The following EPSTI1 variants were observed in gnomAD, a reference collection of about 807,000 sequenced individuals.
EPSTI1 encodes epithelial-stromal interaction protein 1.
Under a neutral mutation model 49.9 loss-of-function variants are expected in EPSTI1, and 66 were observed. The observed-to-expected ratio is 1.32, with a 90% CI of 1.08 to 1.62. The LOEUF (loss-of-function observed/expected upper bound fraction) is 1.62. EPSTI1 is among the 40% of genes most tolerant of loss of function. The probability of loss-of-function intolerance (pLI) is 0.00; values close to 1 mark genes in which losing one functional copy is unlikely to be tolerated. For missense variants in EPSTI1, 394 were observed against 365.5 expected (o/e 1.08, Z -0.64); for synonymous variants, 137 against 130.7 (o/e 1.05, Z -0.33).
At chr13:42,981,302 C>T (rs2039982745) in intron 1 of EPSTI1, among the ~76,000 whole-genome samples, 1 of 152,134 alleles carries the variant, frequency 6.6e-6, no homozygotes, top group South Asian at 2.1e-4. Flanking sequence ...TATGTATAAC[C>T]TTACAGCACT....
intron 8 of EPSTI1, among the ~76,000 whole-genome samples, chr13:42,903,884 G>C (rs1164530678): frequency 1.3e-5 from 2 of 152,140 alleles, no homozygotes; most frequent in African/African-American, 4.8e-5. Flanking sequence ...AAATTTAGCT[G>C]CATGAAAATT....
chr13:42,911,264 T>TGTGTGTGTGTGTGCGC (rs549150890), intron 8 of EPSTI1, among the ~76,000 whole-genome samples: 35 of 148,550 alleles, frequency 2.4e-4, no homozygotes, highest in South Asian at 4.2e-4. Flanking sequence ...TGTGTGTGTG[T>TGTGTGTGTGTGTGCGC]GCGCGCGCAC....
At chr13:42,889,253 A>T in intron 10 of EPSTI1, 2 of 1,500,384 alleles carry the variant, frequency 1.3e-6, no homozygotes, top group East Asian at 2.4e-5. Flanking sequence ...CTAGAAAAAT[A>T]AAAAAATATA....
intron 6 of EPSTI1, among the ~76,000 whole-genome samples, chr13:42,930,035 G>A (rs555879482): frequency 8.5e-5 from 13 of 152,262 alleles, no homozygotes; most frequent in Non-Finnish European, 1.5e-4. Flanking sequence ...GGGAATCTGC[G>A]TTTCTTAAAA....
intron 5 of EPSTI1, among the ~76,000 whole-genome samples, chr13:42,959,139 C>G: frequency 6.6e-6 from 1 of 152,102 alleles, no homozygotes; most frequent in South Asian, 2.1e-4. Context: ...CTAGTCCTAC[C>G]AGTCTCACTA....
chr13:42,988,292 G>A (rs2153437009), intron 1 of EPSTI1, among the ~76,000 whole-genome samples: 1 of 152,346 alleles, frequency 6.6e-6, no homozygotes, highest in Non-Finnish European at 1.5e-5. Flanking sequence ...CTTTGGATTA[G>A]AAGTTTGTGT....
At position 42,927,011 on chromosome 13, in the gene EPSTI1, ACACAC is replaced by A. The variant is rs1165430207; in HGVS notation, c.564-587_564-583del. ...AACAGACACACACACACACACACAC[ACACAC>A]ACACACACACACAGTCCTTTGCATT... On this transcript the variant is annotated intron_variant, in intron 6 of 10. Transcript: ENST00000313624. Among the ~76,000 whole-genome samples, 21 of 151,530 alleles carry A rather than the reference ACACAC, an allele frequency of 1.4e-4. 1 individual carries two copies. The highest frequency in any genetic ancestry group is 2.9e-5 in the Non-Finnish European group (2 of 67,868).
intron 9 of EPSTI1, among the ~76,000 whole-genome samples, chr13:42,895,903 T>A (rs539196704): frequency 6.6e-6 from 1 of 152,178 alleles, no homozygotes; most frequent in East Asian, 1.9e-4. Flanking sequence ...GCCTGGTGCA[T>A]AGCAGCAAAT....
intron 1 of EPSTI1, among the ~76,000 whole-genome samples, chr13:42,973,074 A>T (rs1006847019): frequency 2.6e-5 from 4 of 152,250 alleles, no homozygotes; most frequent in Non-Finnish European, 5.9e-5. Context: ...TGCCAAAAGC[A>T]GCTTCACAGA....
rs368252902 is a variant in EPSTI1 at position 42,894,972 on chromosome 13, C to T, written c.915+37G>A. 1.1e-5 allele frequency: 16 copies of T among 1,509,220 alleles called. No homozygotes were observed. The African/African-American group carries it at 2.1e-4, about 20-fold the overall frequency. The allele number at this position is 1,509,220 out of a possible 1,614,324, so 93.5% of individuals were successfully genotyped here. On this transcript the variant is annotated intron_variant, in intron 10 of 10. Coordinates refer to ENST00000313624, the MANE Select transcript of EPSTI1 (RefSeq NM_033255.5). ...AATTCTCATTGTTTTTATTCTTCAACATTGAAAGATGATTTAAGAGAAAAG... is the reference window on the plus strand; with the variant it reads ...AATTCTCATTGTTTTTATTCTTCAATATTGAAAGATGATTTAAGAGAAAAG...
chr13:42,898,243 T>C (rs1211685889), intron 9 of EPSTI1, among the ~76,000 whole-genome samples: 1 of 152,226 alleles, frequency 6.6e-6, no homozygotes, highest in African/African-American at 2.4e-5. Flanking sequence ...TTGATGCCAA[T>C]AAAATTGTGC....
intron 1 of EPSTI1, among the ~76,000 whole-genome samples, chr13:42,979,534 G>A (rs1325020913): frequency 1.4e-5 from 2 of 145,242 alleles, no homozygotes; most frequent in East Asian, 2.0e-4. Flanking sequence ...GCAGTGAGCC[G>A]ATATCGCGCC....
intron 6 of EPSTI1, among the ~76,000 whole-genome samples, chr13:42,949,591 CAAAAAA>C (rs199737689): frequency 7.5e-5 from 6 of 80,208 alleles, no homozygotes; most frequent in African/African-American, 2.4e-4. Context: ...GACTCCATGT[CAAAAAA>C]AAAAAAAAAA....
At chr13:42,893,399 T>C (rs570951490) in intron 10 of EPSTI1, among the ~76,000 whole-genome samples, 1 of 152,234 alleles carries the variant, frequency 6.6e-6, no homozygotes, top group East Asian at 1.9e-4. Context: ...TCAACAGAGG[T>C]GAAGGTGGGA....
rs781431075 is a variant in EPSTI1, at chr13:42,953,946, A to C, written c.563+2T>G. On this transcript the variant is annotated splice_donor_variant, in intron 6 of 10. Coordinates refer to ENST00000313624, the MANE Select transcript of EPSTI1 (RefSeq NM_033255.5). LOFTEE classifies it high-confidence loss of function. ...CACGAAGTTCTGAAAACATTAACTT[A>C]CTATTGCTGATGCTCTCTAAATGCT... The C allele has an allele frequency of 6.2e-7, 1 of 1,611,306 alleles. No individual in the cohort carries two copies. Among genetic ancestry groups the C allele is most frequent in the Admixed American group, 1.7e-5 (1 of 59,620 alleles).
At chr13:42,921,103 A>G (rs962018128) in intron 7 of EPSTI1, among the ~76,000 whole-genome samples, 3 of 152,200 alleles carry the variant, frequency 2.0e-5, no homozygotes, top group Non-Finnish European at 2.9e-5. Context: ...ATGAAAGGAT[A>G]TAAGTCAGAG....
intron 1 of EPSTI1, among the ~76,000 whole-genome samples, chr13:42,974,097 G>A (rs9567080): frequency 0.64 from 96,664 of 151,024 alleles, 30,797 homozygotes; most frequent in Middle Eastern, 0.83. Context: ...GCACTTTGGG[G>A]GGCTGAGGCG....
chr13:42,967,955 G>A (rs1301553594), intron 3 of EPSTI1, among the ~76,000 whole-genome samples: 1 of 152,148 alleles, frequency 6.6e-6, no homozygotes, highest in Non-Finnish European at 1.5e-5. Flanking sequence ...CAGGGGAGAA[G>A]CTCTCATCTC....
intron 3 of EPSTI1, among the ~76,000 whole-genome samples, chr13:42,968,415 C>G (rs1471236264): frequency 2.0e-5 from 3 of 152,142 alleles, no homozygotes; most frequent in Non-Finnish European, 4.4e-5. Context: ...TTAACTAAAT[C>G]TGTGGACACT....
Sources: allele counts gnomAD v4.1 joint callset (sites outside exome capture counted in the v4.1 genomes callset), GRCh38; gene constraint gnomAD v4.1.1; transcripts MANE v1.5; gene names NCBI Gene and HGNC (gene_info 2026-07-23, HGNC 2026-07-21).